Variants in STK3 observed in about 807,000 individuals in gnomAD.
STK3 encodes the protein serine/threonine-protein kinase 3.
A neutral mutation model predicts 58.0 loss-of-function variants in STK3; 41 were observed. That is an observed-to-expected ratio of 0.71 (90% confidence interval 0.55 to 0.92). The LOEUF (loss-of-function observed/expected upper bound fraction) is 0.92. Among genes scored for constraint, STK3 ranks in the 40% least tolerant of loss-of-function variants. The probability of loss-of-function intolerance (pLI) is 0.00; values close to 1 mark genes in which losing one functional copy is unlikely to be tolerated. For synonymous variants in STK3, 170 were observed against 191.0 expected, an observed-to-expected ratio of 0.89 and a Z score of 0.91; for missense variants, 479 against 602.7, an observed-to-expected ratio of 0.79 and a Z score of 2.15.
At chr8:98,911,895 C>T (rs1177743622) in intron 1 of STK3, among the ~76,000 whole-genome samples, 2 of 152,140 alleles carry the variant, frequency 1.3e-5, no homozygotes, top group Non-Finnish European at 2.9e-5. Context: ...TATAGTAGTG[C>T]TTTCCACCCT....
intron 8 of STK3, among the ~76,000 whole-genome samples, chr8:98,557,576 A>G (rs1811697354): frequency 6.6e-6 from 1 of 152,122 alleles, no homozygotes; most frequent in Admixed American, 6.6e-5. Flanking sequence ...TCTCTTTCAA[A>G]TAGCCGCCCT....
chr8:98,474,476 T>C (rs1245176863), intron 10 of STK3, among the ~76,000 whole-genome samples: 2 of 152,194 alleles, frequency 1.3e-5, no homozygotes, highest in Non-Finnish European at 2.9e-5. Flanking sequence ...TCTCTTTCAG[T>C]TTCTCAGATT....
At chr8:98,543,713 C>A (rs905548069) in intron 9 of STK3, among the ~76,000 whole-genome samples, 5 of 152,094 alleles carry the variant, frequency 3.3e-5, no homozygotes, top group African/African-American at 1.2e-4. Flanking sequence ...AAGAAGAGAT[C>A]TAGTGAAGAT....
chr8:98,892,823 CAATA>C (rs2131928088), intron 1 of STK3, among the ~76,000 whole-genome samples: 1 of 152,292 alleles, frequency 6.6e-6, no homozygotes, highest in East Asian at 1.9e-4. Context: ...AGCAGTCACT[CAATA>C]AATATTTGTT....
chr8:98,701,023 G>T (rs1296902177), intron 6 of STK3, among the ~76,000 whole-genome samples: 4 of 152,106 alleles, frequency 2.6e-5, no homozygotes, highest in Non-Finnish European at 4.4e-5. Context: ...ACAAAAATTT[G>T]CTGGGTGTAG....
chr8:98,662,677 CTT>C (rs869059041), intron 6 of STK3, among the ~76,000 whole-genome samples: 2 of 144,098 alleles, frequency 1.4e-5, no homozygotes, highest in Non-Finnish European at 1.5e-5. Context: ...AGCTGTATTT[CTT>C]TTTTTTTTTT....
At chr8:98,868,737 C>T (rs1235760574) in intron 3 of STK3, among the ~76,000 whole-genome samples, 4 of 151,908 alleles carry the variant, frequency 2.6e-5, no homozygotes, top group African/African-American at 4.8e-5. Flanking sequence ...AGGAGGCCGA[C>T]GCCGGCGGAT....
intron 9 of STK3, among the ~76,000 whole-genome samples, chr8:98,528,179 C>T (rs188691212): frequency 2.3e-4 from 35 of 152,276 alleles, no homozygotes; most frequent in Non-Finnish European, 2.8e-4. Flanking sequence ...AAACTAGTCT[C>T]CTTGCTTCCA....
intron 3 of STK3, among the ~76,000 whole-genome samples, chr8:98,416,213 T>A (rs1288647522): frequency 6.6e-6 from 1 of 152,216 alleles, no homozygotes; most frequent in African/African-American, 2.4e-5. Context: ...TCCTTCCATA[T>A]GCCCAGAAGG....
upstream of STK3, chr8:98,391,285 T>A (rs558914287): frequency 6.6e-6 from 1 of 152,346 alleles, no homozygotes; most frequent in South Asian, 2.1e-4. Flanking sequence ...AAATTCAAAG[T>A]CTTTGCAGTG....
chr8:98,942,438 C>T (rs2132072538), exon 1 of STK3: 1 of 152,386 alleles, frequency 6.6e-6, no homozygotes, highest in South Asian at 2.1e-4. Context: ...CATTTTGGAA[C>T]TTCGCAGGCT....
At chr8:98,389,923 T>G (rs977984583), upstream of STK3, among the ~76,000 whole-genome samples, 13 of 152,000 alleles carry the variant, frequency 8.6e-5, no homozygotes, top group Non-Finnish European at 1.9e-4. Context: ...GGGATGCGAC[T>G]GAGCAGAGGA....
At chr8:98,818,538 ATG>A (rs72513007) in intron 1 of STK3, among the ~76,000 whole-genome samples, 12,568 of 144,950 alleles carry the variant, frequency 0.087, 695 homozygotes, top group Admixed American at 0.19. Context: ...TAAATTATAA[ATG>A]TGTGTGTGTG....
chr8:98,471,373 T>C (rs1218524320), intron 10 of STK3, among the ~76,000 whole-genome samples: 1 of 149,860 alleles, frequency 6.7e-6, no homozygotes, highest in Non-Finnish European at 1.5e-5. Context: ...TTTTTTTTTT[T>C]AATGCATAGA....
intron 3 of STK3, among the ~76,000 whole-genome samples, chr8:98,403,276 ACC>A (rs1563593453): frequency 1.3e-5 from 2 of 152,056 alleles, no homozygotes; most frequent in African/African-American, 4.8e-5. Context: ...AATTACTTGA[ACC>A]CAGGATAGTT....
At chr8:98,678,877 A>G (rs1009886951) in intron 6 of STK3, among the ~76,000 whole-genome samples, 3 of 152,182 alleles carry the variant, frequency 2.0e-5, no homozygotes, top group Non-Finnish European at 2.9e-5. Flanking sequence ...TCACATTTAC[A>G]GTTGAGTTTT....
chr8:98,425,080 CAG>C (rs1215019079), intron 3 of STK3, among the ~76,000 whole-genome samples: 1 of 152,190 alleles, frequency 6.6e-6, no homozygotes, highest in African/African-American at 2.4e-5. Flanking sequence ...GGCACTGACA[CAG>C]GGATTATAAA....
intron 1 of STK3, chr8:98,782,770 A>C (rs1563995859): frequency 1.3e-5 from 2 of 152,226 alleles, no homozygotes; most frequent in Admixed American, 6.5e-5. Context: ...AGGAGATTAG[A>C]CAGTGCAGCA....
In STK3 at chr8:98,475,894, G is replaced by A. The variant is rs560601300; in HGVS notation, c.1318-19894C>T. Among the ~76,000 whole-genome samples, 6 of 152,274 alleles carry A rather than the reference G, an allele frequency of 3.9e-5. No homozygotes were observed. In the South Asian group the frequency reaches 1.2e-3, roughly 32 times the overall value. ...GACCTTCTCAGCTCACCCACAAGCA[G>A]CACCATTCATTGACTGAACTGTTAT... is the stretch of plus-strand genomic sequence containing the variant. On this transcript the variant is annotated intron_variant, in intron 10 of 10. Transcript: ENST00000419617.
Sources: gnomAD v4.1 joint callset for allele counts (sites outside exome capture counted in the v4.1 genomes callset) on GRCh38, gnomAD v4.1.1 for gene constraint, MANE v1.5 for transcripts, NCBI Gene and HGNC (gene_info 2026-07-23, HGNC 2026-07-21) for gene names.